FHIT: variants seen among roughly 807,000 people sequenced by gnomAD.
FHIT encodes bis(5'-adenosyl)-triphosphatase.
Under a neutral mutation model 17.9 loss-of-function variants are expected in FHIT, and 19 were observed. That is an observed-to-expected ratio of 1.06 (90% CI 0.74 to 1.56). The LOEUF (loss-of-function observed/expected upper bound fraction) is 1.56. FHIT is among the 40% of genes most tolerant of loss of function. The pLI is 0.00. For missense variants in FHIT, 248 were observed against 189.2 expected (o/e 1.31, Z -1.82); for synonymous variants, 81 against 69.7 (o/e 1.16, Z -0.81).
At chr3:60,321,431 G>A (rs1319155717) in intron 5 of FHIT, among the ~76,000 whole-genome samples, 4 of 152,152 alleles carry the variant, frequency 2.6e-5, no homozygotes, top group African/African-American at 9.7e-5. Context: ...AGCCACAACT[G>A]CACCACTGTA....
intron 8 of FHIT, among the ~76,000 whole-genome samples, chr3:59,841,974 T>C (rs564666450): frequency 1.1e-4 from 16 of 152,158 alleles, no homozygotes; most frequent in Non-Finnish European, 1.9e-4. Flanking sequence ...TACATTTACA[T>C]TGTGGGCTAC....
At chr3:60,626,468 G>A (rs1278514856) in intron 4 of FHIT, among the ~76,000 whole-genome samples, 6 of 151,814 alleles carry the variant, frequency 4.0e-5, no homozygotes, top group African/African-American at 1.5e-4. Flanking sequence ...TCTTTTTGAT[G>A]CCCTCATAAA....
At chr3:60,869,855 T>C (rs766445697) in intron 3 of FHIT, among the ~76,000 whole-genome samples, 1 of 152,166 alleles carries the variant, frequency 6.6e-6, no homozygotes, top group Non-Finnish European at 1.5e-5. Context: ...CAAATATTCA[T>C]GTCTGACACC....
chr3:60,287,770 T>C (rs1276230984), intron 5 of FHIT, among the ~76,000 whole-genome samples: 4 of 152,102 alleles, frequency 2.6e-5, no homozygotes, highest in Non-Finnish European at 5.9e-5. Context: ...GTTCTCTGAT[T>C]ATCTCTGTGC....
chr3:61,057,000 A>G (rs991140913), intron 2 of FHIT, among the ~76,000 whole-genome samples: 1 of 152,218 alleles, frequency 6.6e-6, no homozygotes, highest in East Asian at 1.9e-4. Context: ...GGTGGAGTAC[A>G]TATGAATTGT....
chr3:60,910,355 G>A lies in FHIT; in HGVS notation c.-110-88344C>T, dbSNP rs1176759743. 2.6e-5 allele frequency among the ~76,000 whole-genome samples: 4 copies of A among 151,726 alleles called. No homozygotes were observed. In the East Asian group the frequency reaches 5.8e-4, roughly 22 times the overall value. On this transcript the variant is annotated intron_variant, in intron 3 of 9. Transcript: ENST00000492590. ...GAGGAGGACTGTGAGGGGGGTGAGA[G>A]CAGAGGCGAATTTATCCTGAAGCTA...
chr3:61,066,380 A>G (rs6776129), intron 2 of FHIT, among the ~76,000 whole-genome samples: 83,899 of 152,036 alleles, frequency 0.55, 24,259 homozygotes, highest in Non-Finnish European at 0.65. Context: ...TTGGGAGGCC[A>G]AGGTGGGTGG....
intron 5 of FHIT, among the ~76,000 whole-genome samples, chr3:60,090,146 C>A (rs4679628): frequency 0.68 from 102,625 of 151,848 alleles, 35,087 homozygotes; most frequent in East Asian, 0.78. Context: ...CCCCACCCCA[C>A]GTACATCAAT....
At position 59,747,907 on chromosome 3, in the gene FHIT, G is replaced by C. The variant is rs1700691603; in HGVS notation, c.*1678C>G. ...TCCACTGCTGTTTCTCCAAAGTTGG[G>C]AGTCAGTCATATTCCTGTTTAAGAT... On this transcript the variant is annotated 3_prime_UTR_variant, in exon 10 of 10. Transcript: ENST00000492590. Among the ~76,000 whole-genome samples the C allele has an allele frequency of 6.6e-6, 1 of 152,146 alleles. No homozygotes were observed. The highest frequency in any genetic ancestry group is 2.4e-5 in the African/African-American group (1 of 41,436).
intron 4 of FHIT, among the ~76,000 whole-genome samples, chr3:60,621,144 A>ATTT (rs11370683): frequency 2.8e-3 from 267 of 95,052 alleles, no homozygotes; most frequent in Non-Finnish European, 3.3e-3. Flanking sequence ...TCTACTTTTG[A>ATTT]TTTTTTTTTT....
intron 3 of FHIT, among the ~76,000 whole-genome samples, chr3:61,032,082 A>G (rs761467022): frequency 2.0e-5 from 3 of 152,212 alleles, no homozygotes; most frequent in African/African-American, 4.8e-5. Flanking sequence ...TACCAACGTC[A>G]GTGATTGGAG....
intron 3 of FHIT, among the ~76,000 whole-genome samples, chr3:61,029,302 T>A (rs1302720013): frequency 4.6e-5 from 7 of 152,298 alleles, no homozygotes; most frequent in Non-Finnish European, 1.0e-4. Context: ...CACATGATAA[T>A]TAAGAACGAC....
intron 2 of FHIT, among the ~76,000 whole-genome samples, chr3:61,158,192 G>A (rs1226246971): frequency 1.3e-5 from 2 of 152,168 alleles, no homozygotes; most frequent in Admixed American, 6.5e-5. Context: ...GTAGGTGCCA[G>A]TTGTGTTTAT....
chr3:60,483,470 C>T (rs1166385871), intron 5 of FHIT, among the ~76,000 whole-genome samples: 1 of 152,196 alleles, frequency 6.6e-6, no homozygotes, highest in East Asian at 1.9e-4. Flanking sequence ...CATCAAAAAA[C>T]TTATCCACCA....
intron 3 of FHIT, among the ~76,000 whole-genome samples, chr3:60,917,695 C>G (rs1707078660): frequency 6.6e-6 from 1 of 152,202 alleles, no homozygotes. Flanking sequence ...CACCTCATCA[C>G]AAAGGATTAT....
At chr3:60,365,378 T>C (rs139003802) in intron 5 of FHIT, among the ~76,000 whole-genome samples, 12 of 152,186 alleles carry the variant, frequency 7.9e-5, no homozygotes, top group African/African-American at 2.6e-4. Flanking sequence ...AAAAGGAAAG[T>C]TGTTTTTCAG....
At chr3:60,422,401 T>G (rs867213215) in intron 5 of FHIT, among the ~76,000 whole-genome samples, 1 of 152,204 alleles carries the variant, frequency 6.6e-6, no homozygotes, top group African/African-American at 2.4e-5. Flanking sequence ...AAACAGGGCA[T>G]AGACTTCAAT....
chr3:60,621,570 A>G (rs1281342802), intron 4 of FHIT, among the ~76,000 whole-genome samples: 13 of 151,824 alleles, frequency 8.6e-5, no homozygotes, highest in Non-Finnish European at 1.2e-4. Context: ...ACTACTAGTG[A>G]CTGCACTGAG....
At chr3:60,070,405 C>T (rs1290227901) in intron 5 of FHIT, among the ~76,000 whole-genome samples, 1 of 152,170 alleles carries the variant, frequency 6.6e-6, no homozygotes, top group Admixed American at 6.5e-5. Flanking sequence ...ATTTACTGAG[C>T]ACCTCAGCAT....
Sources: gnomAD v4.1 joint callset for allele counts (sites outside exome capture counted in the v4.1 genomes callset) on GRCh38, gnomAD v4.1.1 for gene constraint, MANE v1.5 for transcripts, NCBI Gene and HGNC (gene_info 2026-07-23, HGNC 2026-07-21) for gene names.